The following PGBD5 variants were observed in gnomAD, a reference collection of about 807,000 sequenced individuals.
PGBD5 encodes piggyBac transposable element derived 5, also known as piggyBac transposable element-derived protein 5.
Under a neutral mutation model 47.9 loss-of-function variants are expected in PGBD5, and 14 were observed. The observed-to-expected ratio is 0.29, with a 90% CI of 0.19 to 0.46. PGBD5 has a LOEUF of 0.46. PGBD5 is among the 20% of genes least tolerant of loss of function. The pLI is 1.00. For missense variants in PGBD5, 635 were observed against 716.0 expected (o/e 0.89, Z 1.29); for synonymous variants, 316 against 306.3 (o/e 1.03, Z -0.33).
intron 1 of PGBD5, among the ~76,000 whole-genome samples, chr1:230,394,313 T>G (rs912285520): frequency 6.6e-6 from 1 of 151,790 alleles, no homozygotes; most frequent in Non-Finnish European, 1.5e-5. Context: ...GCCCTTCTAT[T>G]GTGCTACAGG....
intron 1 of PGBD5, among the ~76,000 whole-genome samples, chr1:230,365,970 A>G (rs1049333902): frequency 6.6e-6 from 1 of 152,252 alleles, no homozygotes; most frequent in African/African-American, 2.4e-5. Context: ...GGTTGCAAAC[A>G]TTGTGCCTAG....
At chr1:230,413,752 G>T (rs934684948) in intron 1 of PGBD5, among the ~76,000 whole-genome samples, 1 of 152,054 alleles carries the variant, frequency 6.6e-6, no homozygotes, top group African/African-American at 2.4e-5. Flanking sequence ...CAACCTGCTC[G>T]TGTCAGCACC....
At chr1:230,403,097 G>T (rs932124522) in intron 1 of PGBD5, among the ~76,000 whole-genome samples, 2 of 152,186 alleles carry the variant, frequency 1.3e-5, no homozygotes, top group Admixed American at 1.3e-4. Context: ...TTAGTCTATG[G>T]CAAGCATGCC....
intron 2 of PGBD5, among the ~76,000 whole-genome samples, chr1:230,353,944 T>A (rs563873731): frequency 3.9e-5 from 6 of 152,246 alleles, no homozygotes; most frequent in African/African-American, 1.4e-4. Flanking sequence ...GAGAAGAGCA[T>A]AAATGCAGGA....
chr1:230,337,415 C>A, intron 3 of PGBD5, 127 bp from the exon 4 acceptor site: 1 of 983,242 alleles, frequency 1.0e-6, no homozygotes, highest in Non-Finnish European at 1.5e-6. Context: ...AAGCCCCCAT[C>A]ATCTTTTCAG....
intron 1 of PGBD5, among the ~76,000 whole-genome samples, chr1:230,360,940 C>A (rs140319967): frequency 1.3e-5 from 2 of 152,154 alleles, no homozygotes; most frequent in Admixed American, 1.3e-4. Context: ...TCATCCCATT[C>A]GGCAATTGAG....
At chr1:230,407,493 T>G (rs1657323596) in intron 1 of PGBD5, among the ~76,000 whole-genome samples, 1 of 152,180 alleles carries the variant, frequency 6.6e-6, no homozygotes, top group African/African-American at 2.4e-5. Context: ...TGCAAACACA[T>G]CCAGGCCTTT....
chr1:230,378,973 C>T (rs1335192491), intron 1 of PGBD5, among the ~76,000 whole-genome samples: 1 of 152,154 alleles, frequency 6.6e-6, no homozygotes, highest in Non-Finnish European at 1.5e-5. Flanking sequence ...GCCTGCAGAG[C>T]TGCAGCCACC....
chr1:230,336,701 C>A (rs1275325599), intron 4 of PGBD5, among the ~76,000 whole-genome samples: 1 of 152,218 alleles, frequency 6.6e-6, no homozygotes, highest in Non-Finnish European at 1.5e-5. Flanking sequence ...TGTCTTCACA[C>A]AATTCTTGCC....
chr1:230,425,616 G>T lies in PGBD5; in HGVS notation c.313C>A (p.Arg105Ser). ...SAALRDRPPPRFEDTGGPTRK... is the reference protein window; with the variant it reads ...SAALRDRPPPSFEDTGGPTRK... ...CCCTTACCGCCGGTATCCTCGAAGC[G>T]CGGGGGCGGGCGGTCCCGCAGCGCT... The change falls in exon 1 of 7, where the codon CGC becomes AGC. Residue 105 changes from arginine to serine, a missense_variant. Arg to Ser is a moderately radical substitution (Grantham distance 110). Transcript: ENST00000391860. The surrounding 1 kb of genome is among the most constrained non-coding windows in gnomAD (Gnocchi z 4.7). 8.2e-7 allele frequency: 1 copy of T among 1,219,440 alleles called. No homozygotes were observed. The highest frequency in any genetic ancestry group is 1.0e-6 in the Non-Finnish European group (1 of 980,228). The allele number at this position is 1,219,440 out of a possible 1,614,324, so 75.5% of individuals were successfully genotyped here.
At chr1:230,383,736 A>G (rs1036314801) in intron 1 of PGBD5, among the ~76,000 whole-genome samples, 1 of 152,218 alleles carries the variant, frequency 6.6e-6, no homozygotes, top group Non-Finnish European at 1.5e-5. Context: ...CAGCAGAGAC[A>G]GCACTGGGAG....
intron 1 of PGBD5, chr1:230,362,410 G>A: frequency 5.2e-6 from 7 of 1,345,956 alleles, no homozygotes; most frequent in South Asian, 1.2e-5. Flanking sequence ...GGCTTGCCGG[G>A]GAAGCCTGTG....
intron 5 of PGBD5, among the ~76,000 whole-genome samples, chr1:230,332,087 TACATGTGAGAGCACAAATCTGCACACAA>T (rs2102815024): frequency 6.1e-4 from 1 of 1,638 alleles, no homozygotes; most frequent in East Asian, 0.023. Context: ...CACACACACG[TACATGTGAGAGCACAAATCTGCACACAA>T]ACACCTGGGC....
intron 1 of PGBD5, among the ~76,000 whole-genome samples, chr1:230,383,543 TG>T (rs1656564214): frequency 6.6e-6 from 1 of 152,054 alleles, no homozygotes; most frequent in Non-Finnish European, 1.5e-5. Context: ...TAAAATTTTT[TG>T]TATTTTTTGT....
At chr1:230,354,974 G>A (rs1667613536) in intron 2 of PGBD5, among the ~76,000 whole-genome samples, 1 of 152,164 alleles carries the variant, frequency 6.6e-6, no homozygotes, top group African/African-American at 2.4e-5. Context: ...AAAAGTAAAG[G>A]GGAAAAAGCC....
At chr1:230,402,712 T>C (rs1657171688) in intron 1 of PGBD5, among the ~76,000 whole-genome samples, 1 of 152,202 alleles carries the variant, frequency 6.6e-6, no homozygotes, top group Non-Finnish European at 1.5e-5. Flanking sequence ...GGTCTCAAAC[T>C]CCTTGGCTCA....
chr1:230,367,841 T>C (rs561299837), intron 1 of PGBD5: 1 of 112,440 alleles, frequency 8.9e-6, no homozygotes, highest in African/African-American at 5.3e-5. Flanking sequence ...CATTCTCGCG[T>C]CCAATTTCAT....
chr1:230,334,096 C>T (rs897299494), intron 4 of PGBD5, among the ~76,000 whole-genome samples: 4 of 152,214 alleles, frequency 2.6e-5, no homozygotes, highest in African/African-American at 9.7e-5. Flanking sequence ...TCCTCATCCC[C>T]GCATCCCACC....
rs545256509 is a variant in PGBD5, at chr1:230,425,645, C to T, written c.284G>A (p.Ser95Asn). The part of the protein sequence containing the change: ...PEEDEAGAGW[S>N]AALRDRPPPR... ...GGGCGGGCGGTCCCGCAGCGCTGCGCTCCAGCCCGCGCCGGCCTCGTCCTC... is the reference window on the plus strand; with the variant it reads ...GGGCGGGCGGTCCCGCAGCGCTGCGTTCCAGCCCGCGCCGGCCTCGTCCTC... Residue 95 changes from serine (S) to asparagine (N), a missense_variant, in exon 1 of 7, where the codon AGC (serine) becomes AAC (asparagine). Transcript: ENST00000391860. The surrounding 1 kb of genome is among the most constrained non-coding windows in gnomAD (Gnocchi z 4.7). The T allele has an allele frequency of 5.8e-5, 71 of 1,220,522 alleles. No individual in the cohort carries two copies. In the African/African-American group the frequency reaches 1.0e-3, roughly 17 times the overall value. 75.6% of individuals were successfully genotyped at this position (1,220,522 alleles called of 1,614,324 possible). A position where few individuals can be genotyped will look rare whatever the true frequency, so the allele number is the denominator to read the frequency against.
Sources: allele counts gnomAD v4.1 joint callset (sites outside exome capture counted in the v4.1 genomes callset), GRCh38; gene constraint gnomAD v4.1.1; non-coding constraint Gnocchi (gnomAD v3.1); transcripts MANE v1.5; gene names NCBI Gene and HGNC (gene_info 2026-07-23, HGNC 2026-07-21).